COMMD1: variants seen among roughly 807,000 people sequenced by gnomAD.
COMMD1 encodes copper metabolism domain containing 1, also known as COMM domain-containing protein 1.
In COMMD1, 10 loss-of-function variants were observed where a neutral mutation model predicts 17.2. The ratio of observed to expected loss-of-function variants is 0.58; its 90% confidence interval spans 0.36 to 0.99. COMMD1 has a LOEUF of 0.99. Ranked by LOEUF, COMMD1 falls within the 50% of genes least tolerant of loss-of-function variation. The pLI is 0.01. For synonymous variants in COMMD1, 97 were observed against 91.6 expected, an observed-to-expected ratio of 1.06 and a Z score of -0.34; for missense variants, 270 against 231.8, an observed-to-expected ratio of 1.17 and a Z score of -1.07.
intron 2 of COMMD1, among the ~76,000 whole-genome samples, chr2:62,124,106 T>G (rs1332013257): frequency 6.6e-6 from 1 of 152,190 alleles, no homozygotes; most frequent in Non-Finnish European, 1.5e-5. Context: ...GAGACCAGCC[T>G]GGCCAACATG....
intron 2 of COMMD1, among the ~76,000 whole-genome samples, chr2:62,042,941 G>T (rs2103900621): frequency 6.6e-6 from 1 of 152,288 alleles, no homozygotes; most frequent in South Asian, 2.1e-4. Flanking sequence ...TTATTTTTAA[G>T]GCCAAACAAT....
chr2:61,956,250 C>T (rs1261571939), intron 1 of COMMD1, among the ~76,000 whole-genome samples: 1 of 152,148 alleles, frequency 6.6e-6, no homozygotes, highest in East Asian at 1.9e-4. Context: ...ATTGAATTGC[C>T]TTATCAGCTT....
chr2:61,888,713 C>A, upstream of COMMD1: 1 of 573,072 alleles, frequency 1.7e-6, no homozygotes. Flanking sequence ...CGCTGCGCGC[C>A]GGGCGAGGAG....
At chr2:61,994,677 A>T (rs1369908384) in intron 1 of COMMD1, among the ~76,000 whole-genome samples, 2 of 152,142 alleles carry the variant, frequency 1.3e-5, no homozygotes, top group Admixed American at 6.5e-5. Context: ...GGCCTGCAGG[A>T]ACTAGGGTCT....
At chr2:62,037,246 T>A (rs1270595539) in intron 2 of COMMD1, among the ~76,000 whole-genome samples, 2 of 152,220 alleles carry the variant, frequency 1.3e-5, no homozygotes, top group African/African-American at 4.8e-5. Flanking sequence ...AGATGCTCTC[T>A]GCATAAGATT....
rs1029700239 is a variant in COMMD1 at position 61,980,665 on chromosome 2, G to A, written c.181-20036G>A. ...TGGATATTAGCCCTTTGTCAGATGAGTAGGTTGCGAAAATTTTCTCCCATG... is the reference window on the plus strand; with the variant it reads ...TGGATATTAGCCCTTTGTCAGATGAATAGGTTGCGAAAATTTTCTCCCATG... On this transcript the variant is annotated intron_variant, in intron 1 of 2. Transcript: ENST00000311832. Among the ~76,000 whole-genome samples, 6 of 145,072 alleles carry A rather than the reference G, an allele frequency of 4.1e-5. No homozygotes were observed. In the South Asian group the frequency reaches 7.0e-4, roughly 17 times the overall value.
chr2:61,985,223 T>A (rs1672074028), intron 1 of COMMD1, among the ~76,000 whole-genome samples: 1 of 152,090 alleles, frequency 6.6e-6, no homozygotes, highest in Non-Finnish European at 1.5e-5. Flanking sequence ...GCTAATTTTT[T>A]GTATTTTTAG....
chr2:61,903,524 C>T (rs1013793997), upstream of COMMD1, among the ~76,000 whole-genome samples: 1 of 150,376 alleles, frequency 6.6e-6, no homozygotes, highest in African/African-American at 2.4e-5. Context: ...AACAATGTGG[C>T]ACTGCCTTGA....
chr2:62,029,669 T>A (rs983217275), intron 2 of COMMD1, among the ~76,000 whole-genome samples: 5 of 152,242 alleles, frequency 3.3e-5, no homozygotes, highest in Admixed American at 3.3e-4. Flanking sequence ...GTTTCCTGTG[T>A]TCTGGATTTT....
Position 61,897,775 on chromosome 2 carries a change from A to G in COMMD1, n.119+8933A>G, listed in dbSNP as rs186754015. 2.1e-4 allele frequency among the ~76,000 whole-genome samples: 32 copies of G among 152,106 alleles called. 1 individual carries two copies. In the East Asian group the frequency reaches 6.2e-3, roughly 29 times the overall value. On this transcript the variant is annotated intron_variant and non_coding_transcript_variant, in intron 1 of 2. Transcript: ENST00000472729. ...TAAAAAAAATATATATATATTGGCC[A>G]TTACATGTAAACTCTTTATCCCTAT...
chr2:62,044,916 T>G (rs1670338316), intron 2 of COMMD1, among the ~76,000 whole-genome samples: 1 of 152,216 alleles, frequency 6.6e-6, no homozygotes, highest in Non-Finnish European at 1.5e-5. Flanking sequence ...TTTTATTAAT[T>G]TGATCTGTGT....
chr2:62,119,562 G>T (rs1163218978), intron 2 of COMMD1, among the ~76,000 whole-genome samples: 1 of 152,150 alleles, frequency 6.6e-6, no homozygotes, highest in Non-Finnish European at 1.5e-5. Context: ...TTCAACATTT[G>T]CCCTCCTTAC....
At chr2:61,904,111 T>A (rs934564640), upstream of COMMD1, among the ~76,000 whole-genome samples, 2 of 151,348 alleles carry the variant, frequency 1.3e-5, no homozygotes, top group Non-Finnish European at 3.0e-5. Flanking sequence ...CCCAGGTTCA[T>A]GCCATTCTCC....
intron 1 of COMMD1, among the ~76,000 whole-genome samples, chr2:61,963,009 A>G (rs937417918): frequency 1.3e-5 from 2 of 151,818 alleles, no homozygotes; most frequent in South Asian, 4.2e-4. Flanking sequence ...AAAAATACAA[A>G]ATTAGCTGGG....
At chr2:62,060,013 G>C (rs1363654305) in intron 2 of COMMD1, among the ~76,000 whole-genome samples, 2 of 152,110 alleles carry the variant, frequency 1.3e-5, no homozygotes, top group Non-Finnish European at 1.5e-5. Context: ...TTGCACTAGA[G>C]ATTACAATAT....
chr2:61,892,880 C>T (rs1669466683), intron 1 of COMMD1, among the ~76,000 whole-genome samples: 1 of 151,044 alleles, frequency 6.6e-6, no homozygotes, highest in African/African-American at 2.4e-5. Flanking sequence ...TTTTTTTTTC[C>T]CCCCTGAAAC....
chr2:61,929,313 T>C (rs1670404143), intron 1 of COMMD1, among the ~76,000 whole-genome samples: 1 of 152,184 alleles, frequency 6.6e-6, no homozygotes, highest in African/African-American at 2.4e-5. Context: ...CTCCTCTTCT[T>C]TGGGCGTTCC....
intron 1 of COMMD1, among the ~76,000 whole-genome samples, chr2:61,970,825 G>T (rs1195574967): frequency 6.6e-6 from 1 of 152,066 alleles, no homozygotes; most frequent in East Asian, 1.9e-4. Flanking sequence ...ATTTTATCTA[G>T]TTTGTTAAAA....
chr2:61,972,679 C>T (rs762893971), intron 1 of COMMD1, among the ~76,000 whole-genome samples: 2 of 152,194 alleles, frequency 1.3e-5, no homozygotes, highest in Non-Finnish European at 2.9e-5. Flanking sequence ...AGGAGGCAAA[C>T]ATCAGGCAAA....
Sources: gnomAD v4.1 joint callset for allele counts (sites outside exome capture counted in the v4.1 genomes callset) on GRCh38, gnomAD v4.1.1 for gene constraint, MANE v1.5 for transcripts, NCBI Gene and HGNC (gene_info 2026-07-23, HGNC 2026-07-21) for gene names.